The following TMEM184B variants were observed in gnomAD, a reference collection of about 807,000 sequenced individuals.
The protein encoded by TMEM184B is putative MAPK-activating protein FM08.
TMEM184B carries 17 observed loss-of-function variants against 41.8 expected under a neutral mutation model. That is an observed-to-expected ratio of 0.41 (90% confidence interval 0.28 to 0.61). The LOEUF (loss-of-function observed/expected upper bound fraction) is 0.61, where lower values mean the gene tolerates loss of function less well. Among genes scored for constraint, TMEM184B ranks in the 20% least tolerant of loss-of-function variants. The pLI is 0.34. For missense variants in TMEM184B, 393 were observed against 557.8 expected, an observed-to-expected ratio of 0.70 and a Z score of 2.98; for synonymous variants, 240 against 229.5, an observed-to-expected ratio of 1.05 and a Z score of -0.41.
At chr22:38,247,192 C>T (rs2092051821) in intron 2 of TMEM184B, among the ~76,000 whole-genome samples, 1 of 152,240 alleles carries the variant, frequency 6.6e-6, no homozygotes, top group Admixed American at 6.5e-5. Flanking sequence ...CCCTCTCAGG[C>T]TCTCCATTTT....
intron 8 of TMEM184B, chr22:38,222,215 C>T (rs922718125): frequency 6.8e-5 from 11 of 162,424 alleles, no homozygotes; most frequent in East Asian, 1.8e-4. Context: ...GGAGCAGATG[C>T]GACTCACTGG....
chr22:38,237,098 C>A (rs1257042667), intron 3 of TMEM184B, among the ~76,000 whole-genome samples: 1 of 152,138 alleles, frequency 6.6e-6, no homozygotes, highest in Non-Finnish European at 1.5e-5. Context: ...CCCCACCCAG[C>A]CTCTCAGCTG....
At chr22:38,259,880 A>C (rs1392032175) in intron 1 of TMEM184B, among the ~76,000 whole-genome samples, 1 of 147,310 alleles carries the variant, frequency 6.8e-6, no homozygotes, top group Non-Finnish European at 1.5e-5. Flanking sequence ...GGTTCAAGCA[A>C]TTCTCCCACC....
Position 38,220,692 on chromosome 22 carries a change from TCG to T in TMEM184B, c.*775_*776del, listed in dbSNP as rs2091233948. On this transcript the variant is annotated 3_prime_UTR_variant, in exon 9 of 9. Coordinates refer to ENST00000361906, the MANE Select transcript of TMEM184B (RefSeq NM_012264.5). Reference sequence around the variant, plus strand: ...GAAGCAAGGGCTCTGCCCAAAGCTATCGAGGAAGGACCCAAGTGAGCCGGCAG... The same window carrying T: ...GAAGCAAGGGCTCTGCCCAAAGCTATAGGAAGGACCCAAGTGAGCCGGCAG... 4.8e-5 allele frequency: 47 copies of T among 986,254 alleles called. No individual in the cohort carries two copies. The highest frequency in any genetic ancestry group is 5.4e-5 in the Non-Finnish European group (45 of 830,252). The allele number at this position is 986,254 out of a possible 1,614,324, so 61.1% of individuals were successfully genotyped here. A position where few individuals can be genotyped will look rare whatever the true frequency, so the allele number is the denominator to read the frequency against.
At chr22:38,228,633 G>A (rs1015887560) in intron 5 of TMEM184B, among the ~76,000 whole-genome samples, 2 of 152,304 alleles carry the variant, frequency 1.3e-5, no homozygotes, top group African/African-American at 4.8e-5. Flanking sequence ...AATCTCTCCA[G>A]AAGGTCTGGA....
rs563917041 is a variant in TMEM184B, at chr22:38,220,012, G to A, written c.*1457C>T. ...GAAGGACCAAAAGAAAGAATCCCCAGTGAACACCGGCAGGGTCCCTCTCCC... is the reference window on the plus strand; with the variant it reads ...GAAGGACCAAAAGAAAGAATCCCCAATGAACACCGGCAGGGTCCCTCTCCC... On this transcript the variant is annotated 3_prime_UTR_variant, in exon 9 of 9. Coordinates refer to ENST00000361906, the MANE Select transcript of TMEM184B (RefSeq NM_012264.5). The A allele has an allele frequency of 5.1e-6, 5 of 985,484 alleles. No individual in the cohort carries two copies. The African/African-American group carries it at 8.7e-5, about 17-fold the overall frequency. 61.0% of individuals were successfully genotyped at this position (985,484 alleles called of 1,614,324 possible).
rs35956053 is a variant in TMEM184B at position 38,226,076 on chromosome 22, CTTTTTT to C, written c.618-489_618-484del. Among the ~76,000 whole-genome samples the C allele has an allele frequency of 7.4e-6, 1 of 134,268 alleles. No homozygotes were observed. The highest frequency in any genetic ancestry group is 1.6e-5 in the Non-Finnish European group (1 of 61,980). The allele number at this position is 134,268 out of a possible 152,430, so 88.1% of individuals were successfully genotyped here. A position where few individuals can be genotyped will look rare whatever the true frequency, so the allele number is the denominator to read the frequency against. On this transcript the variant is annotated intron_variant, in intron 6 of 8. Transcript: ENST00000361906. The surrounding 1 kb of genome is among the most constrained non-coding windows in gnomAD (Gnocchi z 4.6). ...AAGCACAGGGCTAGACACATGGTCA[CTTTTTT>C]TTTTTTTTTTTTTAGATATGGAGTT...
At chr22:38,218,866 C>G (rs902251221), downstream of TMEM184B, among the ~76,000 whole-genome samples, 5 of 152,218 alleles carry the variant, frequency 3.3e-5, no homozygotes, top group African/African-American at 1.2e-4. Context: ...AGGCACTGTG[C>G]CCACAGCCAG....
chr22:38,272,765 AG>A, intron 1 of TMEM184B, 118 bp downstream of exon 1: 3 of 985,036 alleles, frequency 3.0e-6, no homozygotes, highest in Non-Finnish European at 3.6e-6. Context: ...CCCGCCCGGG[AG>A]CCGGCGGCCG....
chr22:38,229,111 C>T (rs2091535887), intron 5 of TMEM184B, among the ~76,000 whole-genome samples: 1 of 152,262 alleles, frequency 6.6e-6, no homozygotes, highest in Admixed American at 6.5e-5. Context: ...TGGGTGTGCC[C>T]GCCCTGTGGC....
At chr22:38,250,872 T>C (rs1474533960) in intron 1 of TMEM184B, among the ~76,000 whole-genome samples, 1 of 152,152 alleles carries the variant, frequency 6.6e-6, no homozygotes, top group Non-Finnish European at 1.5e-5. Context: ...CCATGCCCAC[T>C]TGGCATTCAG....
intron 1 of TMEM184B, among the ~76,000 whole-genome samples, chr22:38,251,622 G>A (rs2092164395): frequency 6.6e-6 from 1 of 152,158 alleles, no homozygotes; most frequent in South Asian, 2.1e-4. Flanking sequence ...CTGGGGCAGG[G>A]TGGGCACTGG....
Position 38,221,452 on chromosome 22 carries a change from G to A in TMEM184B, c.*17C>T, listed in dbSNP as rs376877723. 7.6e-6 allele frequency: 12 copies of A among 1,580,302 alleles called. No homozygotes were observed. The highest frequency in any genetic ancestry group is 3.5e-5 in the Admixed American group (2 of 57,524). The stretch of plus-strand genomic sequence containing the variant: ...CCGTGGCTATGGCGCCAGCACTTCC[G>A]CCACTGCAGCCCGCACCTAGAATTC... On this transcript the variant is annotated 3_prime_UTR_variant, in exon 9 of 9. Transcript: ENST00000361906.
intron 1 of TMEM184B, among the ~76,000 whole-genome samples, chr22:38,261,650 C>T (rs909179499): frequency 1.3e-5 from 2 of 152,202 alleles, no homozygotes; most frequent in Admixed American, 6.5e-5. Flanking sequence ...AATGGACCAA[C>T]GCTCAGCCTC....
intron 3 of TMEM184B, among the ~76,000 whole-genome samples, chr22:38,234,571 A>G (rs956096010): frequency 1.3e-5 from 2 of 152,188 alleles, no homozygotes; most frequent in African/African-American, 4.8e-5. Flanking sequence ...CAGCCATGGT[A>G]AGTGGAATAC....
chr22:38,236,079 C>T (rs967784661), intron 3 of TMEM184B, among the ~76,000 whole-genome samples: 1 of 152,202 alleles, frequency 6.6e-6, no homozygotes, highest in African/African-American at 2.4e-5. Context: ...CGTGAGGGAC[C>T]GGAGGGCCTC....
intron 3 of TMEM184B, 46 bp downstream of exon 3, chr22:38,245,889 C>T: frequency 2.1e-6 from 2 of 941,660 alleles, no homozygotes. Flanking sequence ...GGGCTCCCAG[C>T]CCCCCAGCCC....
chr22:38,225,397 G>GCCTCCAGGTGCTGGGAGGGGGCTCA lies in TMEM184B; in HGVS notation c.787+2_787+26dup. ...CGCAGAGGACAGGGTGGCATGGGCA[G>GCCTCCAGGTGCTGGGAGGGGGCTCA]CCTCCAGGTGCTGGGAGGGGGCTCA... is the stretch of plus-strand genomic sequence containing the variant. On this transcript the variant is annotated intron_variant, in intron 7 of 8. Coordinates refer to ENST00000361906, the MANE Select transcript of TMEM184B (RefSeq NM_012264.5). This position sits in a 1 kb window ranked among gnomAD's most constrained non-coding sequence, Gnocchi z 4.4. 1 of 1,535,008 alleles carries GCCTCCAGGTGCTGGGAGGGGGCTCA rather than the reference G, an allele frequency of 6.5e-7. No individual in the cohort carries two copies. Among genetic ancestry groups the GCCTCCAGGTGCTGGGAGGGGGCTCA allele is most frequent in the Non-Finnish European group, 8.7e-7 (1 of 1,144,710 alleles).
At chr22:38,272,332 C>A (rs1174381495) in intron 1 of TMEM184B, among the ~76,000 whole-genome samples, 1 of 152,176 alleles carries the variant, frequency 6.6e-6, no homozygotes, top group African/African-American at 2.4e-5. Flanking sequence ...CCTTTGGGGG[C>A]AAACATCTTT....
Sources: allele counts gnomAD v4.1 joint callset (sites outside exome capture counted in the v4.1 genomes callset), GRCh38; gene constraint gnomAD v4.1.1; non-coding constraint Gnocchi (gnomAD v3.1); transcripts MANE v1.5; gene names NCBI Gene and HGNC (gene_info 2026-07-23, HGNC 2026-07-21).